Variants in CMSS1 observed in about 807,000 individuals in gnomAD.
CMSS1 encodes the protein protein CMSS1.
Under a neutral mutation model 43.5 loss-of-function variants are expected in CMSS1, and 33 were observed. That is an observed-to-expected ratio of 0.76 (90% CI 0.57 to 1.01). The LOEUF (loss-of-function observed/expected upper bound fraction) is 1.01. Among genes scored for constraint, CMSS1 ranks in the 50% least tolerant of loss-of-function variants. CMSS1 has a pLI of 0.00. For missense variants in CMSS1, 313 were observed against 326.4 expected, an observed-to-expected ratio of 0.96 and a Z score of 0.32; for synonymous variants, 115 against 117.2, an observed-to-expected ratio of 0.98 and a Z score of 0.12.
At position 100,081,258 on chromosome 3, in the gene CMSS1, C is replaced by CT. The variant is rs1222702631; in HGVS notation, c.65-65708dup. 2.0e-5 allele frequency among the ~76,000 whole-genome samples: 3 copies of CT among 152,102 alleles called. No homozygotes were observed. In the East Asian group the frequency reaches 5.8e-4, roughly 29 times the overall value. ...TCAAGAGATAAATCATCTTTTATCT[C>CT]TTTTTTTGTCAGCAATAAAAATGGA... On this transcript the variant is annotated intron_variant, in intron 1 of 9. Coordinates refer to ENST00000421999, the MANE Select transcript of CMSS1 (RefSeq NM_032359.4).
In CMSS1 at chr3:100,178,431, G is replaced by A; in HGVS notation, c.*43G>A. Reference sequence around the variant, plus strand: ...GATTCCAGTTTTCACAGTAGAAGTTGCATCTTATTTAATGACTCTGATACA... The same window carrying A: ...GATTCCAGTTTTCACAGTAGAAGTTACATCTTATTTAATGACTCTGATACA... On this transcript the variant is annotated 3_prime_UTR_variant, in exon 10 of 10. Transcript: ENST00000421999. The A allele has an allele frequency of 9.5e-6, 12 of 1,263,378 alleles. No individual in the cohort carries two copies. The highest frequency in any genetic ancestry group is 1.4e-5 in the Non-Finnish European group (12 of 869,574). 78.3% of individuals were successfully genotyped at this position (1,263,378 alleles called of 1,614,324 possible). A position where few individuals can be genotyped will look rare whatever the true frequency, so the allele number is the denominator to read the frequency against.
intron 1 of CMSS1, among the ~76,000 whole-genome samples, chr3:100,057,210 T>C (rs1228114251): frequency 1.3e-5 from 2 of 152,144 alleles, no homozygotes; most frequent in East Asian, 3.9e-4. Context: ...GTGGACTAGG[T>C]GACTAAAGAC....
chr3:99,910,213 T>C lies in CMSS1; in HGVS notation c.64+92170T>C, dbSNP rs900394406. Among the ~76,000 whole-genome samples, 3 of 136,324 alleles carry C rather than the reference T, an allele frequency of 2.2e-5. 1 individual carries two copies. Among genetic ancestry groups the C allele is most frequent in the African/African-American group, 7.5e-5 (3 of 39,954 alleles). The allele number at this position is 136,324 out of a possible 152,430, so 89.4% of individuals were successfully genotyped here. A position where few individuals can be genotyped will look rare whatever the true frequency, so the allele number is the denominator to read the frequency against. ...AAAACCTGTATGGATTTCAAAGGCT[T>C]AGAGAGGATTAAAAGGCTATAAAAA... On this transcript the variant is annotated intron_variant, in intron 1 of 9. Coordinates refer to ENST00000421999, the MANE Select transcript of CMSS1 (RefSeq NM_032359.4).
At chr3:100,040,312 T>A (rs2065182616) in intron 1 of CMSS1, 1 of 150,346 alleles carries the variant, frequency 6.7e-6, no homozygotes, top group Non-Finnish European at 1.5e-5. Context: ...AAAAAAAGTA[T>A]TAATTATTCA....
At chr3:100,169,602 G>A (rs577399121) in intron 6 of CMSS1, among the ~76,000 whole-genome samples, 4 of 152,202 alleles carry the variant, frequency 2.6e-5, no homozygotes, top group South Asian at 2.1e-4. Context: ...CCACTGAAGT[G>A]GAGACACACA....
intron 1 of CMSS1, among the ~76,000 whole-genome samples, chr3:99,960,698 G>A (rs1440043493): frequency 6.6e-6 from 1 of 152,122 alleles, no homozygotes; most frequent in Non-Finnish European, 1.5e-5. Flanking sequence ...TTGAGGGGAG[G>A]AACACTTTCA....
At chr3:100,139,530 TGTGTGTG>T (rs1271190820) in intron 1 of CMSS1, among the ~76,000 whole-genome samples, 15 of 18,360 alleles carry the variant, frequency 8.2e-4, no homozygotes, top group African/African-American at 3.0e-3. Context: ...AAAAAAAAAA[TGTGTGTG>T]TGTGTGTGTG....
chr3:100,036,959 A>G (rs529338095), intron 1 of CMSS1, among the ~76,000 whole-genome samples: 142 of 152,312 alleles, frequency 9.3e-4, no homozygotes, highest in African/African-American at 3.2e-3. Flanking sequence ...AAACTAAAAG[A>G]TACTCTTCAA....
chr3:100,022,093 T>A (rs2064836611), intron 1 of CMSS1, among the ~76,000 whole-genome samples: 1 of 152,066 alleles, frequency 6.6e-6, no homozygotes, highest in African/African-American at 2.4e-5. Context: ...AAAATTTACA[T>A]AGGGATTTTT....
At chr3:99,929,208 C>T (rs1445176642) in intron 1 of CMSS1, among the ~76,000 whole-genome samples, 3 of 152,152 alleles carry the variant, frequency 2.0e-5, no homozygotes, top group African/African-American at 7.2e-5. Context: ...AGTAAAAGAG[C>T]AAGCAGTACT....
chr3:99,946,203 A>G (rs189361037), intron 1 of CMSS1, among the ~76,000 whole-genome samples: 49 of 152,354 alleles, frequency 3.2e-4, no homozygotes, highest in African/African-American at 1.2e-3. Context: ...GGGTATGTCT[A>G]TTACATCTTC....
intron 1 of CMSS1, chr3:99,930,632 G>C: frequency 1.1e-6 from 1 of 877,004 alleles, no homozygotes; most frequent in South Asian, 1.7e-5. Flanking sequence ...AGAATTCTTT[G>C]TATATATACT....
intron 5 of CMSS1, 78 bp downstream of exon 5, chr3:100,166,472 G>GT (rs2067067005): frequency 1.0e-6 from 1 of 977,900 alleles, no homozygotes; most frequent in African/African-American, 1.6e-5. Context: ...TTTTGGTCTC[G>GT]TTTTTGTTTT....
chr3:99,940,534 G>T (rs1707820314), intron 1 of CMSS1, among the ~76,000 whole-genome samples: 1 of 152,150 alleles, frequency 6.6e-6, no homozygotes, highest in Admixed American at 6.5e-5. Flanking sequence ...ATGTGCCTAT[G>T]GTCATGCCCT....
intron 1 of CMSS1, among the ~76,000 whole-genome samples, chr3:99,901,636 TA>T (rs1706441183): frequency 6.6e-6 from 1 of 152,232 alleles, no homozygotes; most frequent in Non-Finnish European, 1.5e-5. Context: ...ATGTGTATTC[TA>T]AAGCTAAATA....
chr3:99,913,367 T>TATCTTTTTGATTAAAGTTATC (rs1316885960), intron 1 of CMSS1, among the ~76,000 whole-genome samples: 2 of 152,242 alleles, frequency 1.3e-5, no homozygotes, highest in East Asian at 3.8e-4. Context: ...TACTTGTTAT[T>TATCTTTTTGATTAAAGTTATC]ATCTTTTTGA....
intron 1 of CMSS1, among the ~76,000 whole-genome samples, chr3:99,937,598 G>C (rs529681407): frequency 3.3e-5 from 5 of 152,238 alleles, no homozygotes; most frequent in African/African-American, 9.6e-5. Flanking sequence ...TTGCTAATGG[G>C]TTTATTATTC....
chr3:99,898,680 C>T (rs991769513), intron 1 of CMSS1: 1 of 164,956 alleles, frequency 6.1e-6, no homozygotes, highest in Non-Finnish European at 1.3e-5. Context: ...GCAGGAGAAT[C>T]ACTTGAACCC....
chr3:99,872,794 T>C (rs793501), intron 1 of CMSS1, among the ~76,000 whole-genome samples: 40,311 of 151,926 alleles, frequency 0.27, 6,048 homozygotes, highest in Admixed American at 0.34. Flanking sequence ...GAAGAGGGAG[T>C]GTTTCTCATA....
Sources: allele counts gnomAD v4.1 joint callset (sites outside exome capture counted in the v4.1 genomes callset), GRCh38; gene constraint gnomAD v4.1.1; transcripts MANE v1.5; gene names NCBI Gene and HGNC (gene_info 2026-07-23, HGNC 2026-07-21).